MBTD1: variants seen among roughly 807,000 people sequenced by gnomAD.
MBTD1 encodes the protein mbt domain containing 1, also known as MBT domain-containing protein 1.
A neutral mutation model predicts 87.8 loss-of-function variants in MBTD1; 24 were observed. The ratio of observed to expected loss-of-function variants is 0.27; its 90% confidence interval spans 0.20 to 0.38. MBTD1 has a LOEUF of 0.38. Ranked by LOEUF, MBTD1 falls within the 10% of genes least tolerant of loss-of-function variation. The pLI, the probability that MBTD1 is intolerant of heterozygous loss-of-function variation, is 1.00. For synonymous variants in MBTD1, 237 were observed against 248.6 expected (o/e 0.95, Z 0.44); for missense variants, 436 against 760.2 (o/e 0.57, Z 5.02).
At chr17:51,221,303 C>CA (rs1047577718) in intron 3 of MBTD1, among the ~76,000 whole-genome samples, 1 of 151,884 alleles carries the variant, frequency 6.6e-6, no homozygotes, top group Non-Finnish European at 1.5e-5. Flanking sequence ...GAATCAAAAA[C>CA]AAAAAACAAA....
intron 2 of MBTD1, among the ~76,000 whole-genome samples, chr17:51,233,219 C>T (rs1383645307): frequency 2.0e-5 from 3 of 151,392 alleles, no homozygotes; most frequent in Non-Finnish European, 4.4e-5. Flanking sequence ...AAAAAGCAAC[C>T]AATCACCACA....
intron 2 of MBTD1, among the ~76,000 whole-genome samples, chr17:51,248,528 TC>T (rs1260128695): frequency 3.3e-5 from 5 of 152,256 alleles, no homozygotes. Flanking sequence ...CTCCTTCCTG[TC>T]CTTTCCCACT....
intron 5 of MBTD1, among the ~76,000 whole-genome samples, chr17:51,218,315 G>T (rs1389130324): frequency 6.6e-6 from 1 of 151,888 alleles, no homozygotes; most frequent in Admixed American, 6.6e-5. Flanking sequence ...GATCATTTGA[G>T]GTCTGGAGTT....
chr17:51,202,104 T>A (rs2051524885), intron 10 of MBTD1, 27 bp from the exon 11 acceptor site: 1 of 1,462,490 alleles, frequency 6.8e-7, no homozygotes, highest in Non-Finnish European at 9.6e-7. Flanking sequence ...CACACTAATC[T>A]GTCAGCATTT....
intron 2 of MBTD1, among the ~76,000 whole-genome samples, chr17:51,255,504 C>A (rs1312810839): frequency 6.6e-6 from 1 of 151,832 alleles, no homozygotes; most frequent in Non-Finnish European, 1.5e-5. Flanking sequence ...TACAGATACA[C>A]AAGGGGGCTA....
At chr17:51,233,377 G>A (rs923835018) in intron 2 of MBTD1, among the ~76,000 whole-genome samples, 1 of 151,958 alleles carries the variant, frequency 6.6e-6, no homozygotes, top group East Asian at 1.9e-4. Context: ...AAAGCAAACA[G>A]CATAAGAAAA....
intron 2 of MBTD1, among the ~76,000 whole-genome samples, chr17:51,232,078 G>A (rs921014016): frequency 5.3e-5 from 8 of 151,828 alleles, no homozygotes; most frequent in Admixed American, 3.3e-4. Context: ...GACCTATGAG[G>A]GAGCATTTCA....
intron 2 of MBTD1, among the ~76,000 whole-genome samples, chr17:51,255,185 G>A (rs1368535612): frequency 2.6e-5 from 4 of 152,056 alleles, no homozygotes; most frequent in Admixed American, 1.3e-4. Flanking sequence ...GGAGGCTGAG[G>A]CAGAAGAATC....
chr17:51,260,158 T>G (rs2055395635), upstream of MBTD1: 2 of 367,552 alleles, frequency 5.4e-6, no homozygotes, highest in East Asian at 8.8e-5. Flanking sequence ...CTCTGCAGGC[T>G]CCGTACTCCA....
Position 51,179,515 on chromosome 17 carries a change from T to TATTTATATATATATATATATATTC in MBTD1, c.*1060_*1061insGAATATATATATATATATATAAAT, listed in dbSNP as rs1555673851. On this transcript the variant is annotated 3_prime_UTR_variant, in exon 17 of 17. Coordinates refer to ENST00000586178, the MANE Select transcript of MBTD1 (RefSeq NM_017643.3). ...ATATATATATATATATATATATATA[T>TATTTATATATATATATATATATTC]ATATATATATATATATATATATGGA... 2 of 101,510 alleles carry TATTTATATATATATATATATATTC rather than the reference T, an allele frequency of 2.0e-5. No homozygotes were observed. Among genetic ancestry groups the TATTTATATATATATATATATATTC allele is most frequent in the African/African-American group, 7.3e-5 (2 of 27,222 alleles). The allele number at this position is 101,510 out of a possible 1,614,324, so 6.3% of individuals were successfully genotyped here. A position where few individuals can be genotyped will look rare whatever the true frequency, so the allele number is the denominator to read the frequency against.
chr17:51,206,354 C>T (rs1443138686), intron 7 of MBTD1, among the ~76,000 whole-genome samples: 7 of 152,112 alleles, frequency 4.6e-5, no homozygotes, highest in Admixed American at 6.5e-5. Context: ...GCTAACCTCC[C>T]GCCTCTGCCT....
chr17:51,248,900 T>C (rs2144160277), intron 2 of MBTD1, among the ~76,000 whole-genome samples: 1 of 152,310 alleles, frequency 6.6e-6, no homozygotes, highest in East Asian at 1.9e-4. Context: ...GTATGGGACC[T>C]ACTAATGTTT....
intron 2 of MBTD1, among the ~76,000 whole-genome samples, chr17:51,239,099 C>CAAAAAAA (rs60345239): frequency 7.0e-6 from 1 of 142,066 alleles, no homozygotes. Flanking sequence ...GTCTCCATCT[C>CAAAAAAA]AAAAAAAAAA....
intron 4 of MBTD1, among the ~76,000 whole-genome samples, chr17:51,219,542 T>C (rs539674712): frequency 6.6e-6 from 1 of 152,344 alleles, no homozygotes; most frequent in African/African-American, 2.4e-5. Context: ...GCCATCCATT[T>C]GGGTACAGAC....
chr17:51,226,273 A>G (rs2053211568), intron 2 of MBTD1, among the ~76,000 whole-genome samples: 1 of 151,112 alleles, frequency 6.6e-6, no homozygotes, highest in African/African-American at 2.4e-5. Flanking sequence ...GCACTTTGGG[A>G]GGCCGAGGTG....
chr17:51,260,052 C>T (rs1446841276), upstream of MBTD1: 4 of 404,444 alleles, frequency 9.9e-6, no homozygotes, highest in African/African-American at 2.1e-5. Context: ...ACAACATTAG[C>T]ATAGCCCTCC....
chr17:51,241,089 T>C (rs932128835), intron 2 of MBTD1, among the ~76,000 whole-genome samples: 24 of 151,820 alleles, frequency 1.6e-4, no homozygotes, highest in African/African-American at 5.8e-4. Context: ...AGCAATCCTT[T>C]TGCTTCGGCC....
At chr17:51,230,592 T>C (rs963056061) in intron 2 of MBTD1, among the ~76,000 whole-genome samples, 2 of 152,070 alleles carry the variant, frequency 1.3e-5, no homozygotes, top group Non-Finnish European at 2.9e-5. Context: ...GGTAAGACCA[T>C]GAGGACAAAA....
At chr17:51,207,150 GA>G in intron 6 of MBTD1, 145 bp from the exon 7 acceptor site, 2 of 514,552 alleles carry the variant, frequency 3.9e-6, no homozygotes, top group South Asian at 3.4e-5. Context: ...ATTCTATCTG[GA>G]AAAAGCCAGT....
Sources: allele counts gnomAD v4.1 joint callset (sites outside exome capture counted in the v4.1 genomes callset), GRCh38; gene constraint gnomAD v4.1.1; transcripts MANE v1.5; gene names NCBI Gene and HGNC (gene_info 2026-07-23, HGNC 2026-07-21).